ABHD17C: variants seen among roughly 807,000 people sequenced by gnomAD.
The protein encoded by ABHD17C is abhydrolase domain containing 17C, depalmitoylase.
ABHD17C carries 11 observed loss-of-function variants against 27.9 expected under a neutral mutation model. That is an observed-to-expected ratio of 0.39 (90% CI 0.25 to 0.65). ABHD17C has a LOEUF of 0.65. Ranked by LOEUF, ABHD17C falls within the 30% of genes least tolerant of loss-of-function variation. ABHD17C has a pLI of 0.45. For missense variants in ABHD17C, 280 were observed against 470.2 expected (o/e 0.60, Z 3.74); for synonymous variants, 233 against 209.1 (o/e 1.11, Z -0.98).
At chr15:80,709,120 A>G (rs1447999957) in intron 1 of ABHD17C, among the ~76,000 whole-genome samples, 2 of 152,278 alleles carry the variant, frequency 1.3e-5, no homozygotes, top group African/African-American at 2.4e-5. Context: ...GGGTTTCAAC[A>G]TTTTTTAAGC....
At chr15:80,703,827 A>C (rs1225944535) in intron 1 of ABHD17C, among the ~76,000 whole-genome samples, 1 of 152,216 alleles carries the variant, frequency 6.6e-6, no homozygotes, top group Non-Finnish European at 1.5e-5. Context: ...TGGGGGATAC[A>C]TTCCAAGACC....
At chr15:80,723,013 G>A (rs1405328439) in intron 1 of ABHD17C, among the ~76,000 whole-genome samples, 1 of 152,194 alleles carries the variant, frequency 6.6e-6, no homozygotes, top group Non-Finnish European at 1.5e-5. Context: ...AGGACCAACT[G>A]TTCACATCCT....
chr15:80,702,564 C>A (rs572501600), intron 1 of ABHD17C: 17 of 152,310 alleles, frequency 1.1e-4, no homozygotes, highest in African/African-American at 3.6e-4. Context: ...TAAGGTCATT[C>A]CCTACCTTAT....
At chr15:80,724,030 C>T (rs1242519643) in intron 1 of ABHD17C, among the ~76,000 whole-genome samples, 1 of 152,090 alleles carries the variant, frequency 6.6e-6, no homozygotes, top group Non-Finnish European at 1.5e-5. Context: ...TGGTGAAACC[C>T]TGTCTCTACT....
At chr15:80,732,342 T>C (rs1265738808) in intron 1 of ABHD17C, among the ~76,000 whole-genome samples, 3 of 152,226 alleles carry the variant, frequency 2.0e-5, no homozygotes, top group Non-Finnish European at 4.4e-5. Context: ...CTCACCGTGC[T>C]TCTCCACGTT....
At chr15:80,746,934 C>T (rs1186781832) in intron 1 of ABHD17C, among the ~76,000 whole-genome samples, 1 of 152,158 alleles carries the variant, frequency 6.6e-6, no homozygotes, top group African/African-American at 2.4e-5. Context: ...ATAATCCTCT[C>T]AGACCAGATT....
In ABHD17C at chr15:80,709,352, C is replaced by T. The variant is rs375959383; in HGVS notation, c.590+13333C>T. Among the ~76,000 whole-genome samples, 117 of 151,538 alleles carry T rather than the reference C, an allele frequency of 7.7e-4. 1 individual carries two copies. The highest frequency in any genetic ancestry group is 2.6e-3 in the African/African-American group (106 of 41,360). On this transcript the variant is annotated intron_variant, in intron 1 of 2. Transcript: ENST00000258884. ...CAAAGTACAAAAATTAGCCAGGTGT[C>T]GTAGTGCACACCTGTAGTCCCAGCT...
At chr15:80,744,098 C>G (rs1030075833) in intron 1 of ABHD17C, among the ~76,000 whole-genome samples, 1 of 151,984 alleles carries the variant, frequency 6.6e-6, no homozygotes, top group Non-Finnish European at 1.5e-5. Flanking sequence ...AATTCATTGT[C>G]TCTTTTTTCC....
intron 1 of ABHD17C, among the ~76,000 whole-genome samples, chr15:80,726,595 T>C (rs1287033314): frequency 8.5e-6 from 1 of 118,232 alleles, no homozygotes; most frequent in Non-Finnish European, 1.6e-5. Context: ...CACTGCAAGC[T>C]CCGCCCCCCC....
At chr15:80,722,654 C>T (rs563404897) in intron 1 of ABHD17C, among the ~76,000 whole-genome samples, 239 of 151,998 alleles carry the variant, frequency 1.6e-3, no homozygotes, top group African/African-American at 5.0e-3. Flanking sequence ...CTATACTGTA[C>T]GGTAGACCTC....
chr15:80,726,463 A>AT, intron 1 of ABHD17C, among the ~76,000 whole-genome samples: 1 of 111,780 alleles, frequency 8.9e-6, no homozygotes, highest in African/African-American at 3.9e-5. Context: ...AGTTTCAAGG[A>AT]TTTTCCCTTC....
At chr15:80,712,728 T>A (rs891910888) in intron 1 of ABHD17C, among the ~76,000 whole-genome samples, 1 of 152,186 alleles carries the variant, frequency 6.6e-6, no homozygotes, top group African/African-American at 2.4e-5. Context: ...TGACTGTGGT[T>A]GTTATGGTTG....
chr15:80,726,501 GTTTTTTTT>G (rs10572505), intron 1 of ABHD17C, among the ~76,000 whole-genome samples: 8 of 94,508 alleles, frequency 8.5e-5, no homozygotes, highest in African/African-American at 4.3e-4. Flanking sequence ...TCTTTTTCTG[GTTTTTTTT>G]TTTTTTTTTT....
intron 1 of ABHD17C, among the ~76,000 whole-genome samples, chr15:80,696,483 A>G (rs1894496849): frequency 6.6e-6 from 1 of 152,196 alleles, no homozygotes; most frequent in South Asian, 2.1e-4. Context: ...TGGCCTCTAA[A>G]AGACTTTCTG....
At chr15:80,740,222 C>T (rs1484059674) in intron 1 of ABHD17C, among the ~76,000 whole-genome samples, 1 of 152,120 alleles carries the variant, frequency 6.6e-6, no homozygotes, top group East Asian at 1.9e-4. Flanking sequence ...CAACAGGACA[C>T]TGCCTGTTGC....
At chr15:80,725,172 A>G (rs1171570563) in intron 1 of ABHD17C, among the ~76,000 whole-genome samples, 5 of 152,250 alleles carry the variant, frequency 3.3e-5, no homozygotes, top group Admixed American at 1.3e-4. Context: ...CCAGTCTTAC[A>G]GAGAATATAA....
intron 1 of ABHD17C, among the ~76,000 whole-genome samples, chr15:80,741,112 C>T: frequency 6.6e-6 from 1 of 152,134 alleles, no homozygotes; most frequent in Admixed American, 6.5e-5. Context: ...TTACATATAG[C>T]CTTGCTTCTG....
At chr15:80,702,806 G>A (rs1894592112) in intron 1 of ABHD17C, 1 of 152,180 alleles carries the variant, frequency 6.6e-6, no homozygotes, top group Admixed American at 6.5e-5. Flanking sequence ...ACAGTTAGGA[G>A]ATTATTATTT....
chr15:80,702,179 C>T (rs1262043920), intron 1 of ABHD17C, among the ~76,000 whole-genome samples: 1 of 152,154 alleles, frequency 6.6e-6, no homozygotes, highest in African/African-American at 2.4e-5. Flanking sequence ...CTTAGAGGCT[C>T]AGTCTTCTCT....
Sources: allele counts gnomAD v4.1 joint callset (sites outside exome capture counted in the v4.1 genomes callset), GRCh38; gene constraint gnomAD v4.1.1; transcripts MANE v1.5; gene names NCBI Gene and HGNC (gene_info 2026-07-23, HGNC 2026-07-21).